The following PDE4D variants were observed in gnomAD, a reference collection of about 807,000 sequenced individuals.
PDE4D encodes the protein phosphodiesterase 4D.
Under a neutral mutation model 87.4 loss-of-function variants are expected in PDE4D, and 24 were observed. The observed-to-expected ratio is 0.27, with a 90% CI of 0.20 to 0.39. The LOEUF is 0.39. Ranked by LOEUF, PDE4D falls within the 10% of genes least tolerant of loss-of-function variation. The probability of loss-of-function intolerance (pLI) is 1.00; values close to 1 mark genes in which losing one functional copy is unlikely to be tolerated. For missense variants in PDE4D, 714 were observed against 1,041.0 expected (o/e 0.69, Z 4.32); for synonymous variants, 384 against 383.2 (o/e 1.00, Z -0.02).
At chr5:60,037,128 G>A (rs1767898983) in intron 2 of PDE4D, among the ~76,000 whole-genome samples, 1 of 152,174 alleles carries the variant, frequency 6.6e-6, no homozygotes, top group African/African-American at 2.4e-5. Flanking sequence ...AACAAAACTA[G>A]ATGAGAATGT....
At chr5:59,802,827 G>T (rs1374369164) in intron 1 of PDE4D, among the ~76,000 whole-genome samples, 1 of 152,166 alleles carries the variant, frequency 6.6e-6, no homozygotes, top group East Asian at 1.9e-4. Flanking sequence ...TACAGTGCAT[G>T]AATTCAATAG....
chr5:59,646,566 T>C (rs1742477442), intron 1 of PDE4D, among the ~76,000 whole-genome samples: 1 of 152,220 alleles, frequency 6.6e-6, no homozygotes, highest in Admixed American at 6.5e-5. Context: ...GTTGGTAGTA[T>C]ATGCATAGTT....
intron 9 of PDE4D, among the ~76,000 whole-genome samples, chr5:58,990,278 T>C (rs1412339254): frequency 1.3e-5 from 2 of 152,148 alleles, no homozygotes; most frequent in Admixed American, 1.3e-4. Flanking sequence ...CAACGTCCTC[T>C]CTAGGGCTGA....
chr5:59,762,840 G>A (rs1219621133), intron 1 of PDE4D, among the ~76,000 whole-genome samples: 1 of 115,836 alleles, frequency 8.6e-6, no homozygotes, highest in African/African-American at 3.3e-5. Context: ...CTAAAAAAGA[G>A]CAAACTGCTT....
At chr5:59,419,837 T>C (rs944150061) in intron 1 of PDE4D, among the ~76,000 whole-genome samples, 4 of 152,220 alleles carry the variant, frequency 2.6e-5, no homozygotes, top group Non-Finnish European at 5.9e-5. Flanking sequence ...TTAGATTATG[T>C]GGCAAGAATC....
intron 1 of PDE4D, among the ~76,000 whole-genome samples, chr5:59,797,546 A>C (rs1405611084): frequency 2.0e-5 from 3 of 152,198 alleles, no homozygotes; most frequent in Non-Finnish European, 4.4e-5. Flanking sequence ...TCCGTTCTTG[A>C]GGATCACTCT....
intron 1 of PDE4D, among the ~76,000 whole-genome samples, chr5:59,368,163 G>A (rs757693846): frequency 6.6e-6 from 1 of 152,170 alleles, no homozygotes; most frequent in Non-Finnish European, 1.5e-5. Flanking sequence ...TATTAAATGT[G>A]CACATAAATA....
intron 1 of PDE4D, among the ~76,000 whole-genome samples, chr5:60,429,717 T>C (rs1467635232): frequency 2.0e-5 from 3 of 152,252 alleles, no homozygotes; most frequent in Non-Finnish European, 2.9e-5. Context: ...TCTATTGAGA[T>C]GATCATGTGT....
intron 6 of PDE4D, among the ~76,000 whole-genome samples, chr5:59,006,183 G>A (rs1029036561): frequency 6.6e-6 from 1 of 152,248 alleles, no homozygotes; most frequent in Admixed American, 6.5e-5. Context: ...TACAGCTAGA[G>A]CTCAGGTTTC....
chr5:60,102,742 G>T (rs1430751401), intron 2 of PDE4D, among the ~76,000 whole-genome samples: 1 of 152,060 alleles, frequency 6.6e-6, no homozygotes, highest in Non-Finnish European at 1.5e-5. Flanking sequence ...TAAGAAAAGG[G>T]ATGTTTGCAA....
chr5:59,725,295 T>A (rs952789011), intron 1 of PDE4D, among the ~76,000 whole-genome samples: 3 of 152,160 alleles, frequency 2.0e-5, no homozygotes, highest in Non-Finnish European at 2.9e-5. Context: ...CTTGTTTCCC[T>A]GAGTTTTGCT....
chr5:60,482,330 A>G (rs1748794368), intron 1 of PDE4D, among the ~76,000 whole-genome samples: 1 of 152,160 alleles, frequency 6.6e-6, no homozygotes, highest in Non-Finnish European at 1.5e-5. Flanking sequence ...AAAAAAATAA[A>G]TTTCTGTTGT....
intron 1 of PDE4D, among the ~76,000 whole-genome samples, chr5:59,511,024 C>T (rs1222984388): frequency 6.6e-6 from 1 of 151,868 alleles, no homozygotes; most frequent in African/African-American, 2.4e-5. Flanking sequence ...AGTTATCAAG[C>T]AGGTCTTACT....
At chr5:59,039,065 T>G in intron 5 of PDE4D, 94 bp from the exon 6 acceptor site, 1 of 1,500,552 alleles carries the variant, frequency 6.7e-7, no homozygotes, top group Non-Finnish European at 8.9e-7. Flanking sequence ...TACCCCGCCA[T>G]GCTCGGATGC....
chr5:59,727,734 T>G (rs1314691672), intron 1 of PDE4D, among the ~76,000 whole-genome samples: 1 of 152,072 alleles, frequency 6.6e-6, no homozygotes, highest in Non-Finnish European at 1.5e-5. Flanking sequence ...GTTCTTTTAC[T>G]CAGCAGTAAC....
intron 1 of PDE4D, among the ~76,000 whole-genome samples, chr5:59,673,635 G>T (rs1277516867): frequency 2.0e-5 from 3 of 152,090 alleles, no homozygotes; most frequent in Non-Finnish European, 4.4e-5. Flanking sequence ...GAAGCATGGC[G>T]CCATCTAGTG....
At chr5:60,326,080 G>A (rs1316680326) in intron 1 of PDE4D, among the ~76,000 whole-genome samples, 1 of 152,122 alleles carries the variant, frequency 6.6e-6, no homozygotes, top group Admixed American at 6.6e-5. Flanking sequence ...AAGGACATCT[G>A]TGTTGCTTCC....
At chr5:59,089,812 A>C (rs1338235226) in intron 5 of PDE4D, among the ~76,000 whole-genome samples, 1 of 152,184 alleles carries the variant, frequency 6.6e-6, no homozygotes, top group Non-Finnish European at 1.5e-5. Context: ...ACCTTTATAT[A>C]GTCTTTCATA....
intron 1 of PDE4D, among the ~76,000 whole-genome samples, chr5:59,476,476 C>T (rs1233433704): frequency 1.3e-5 from 2 of 152,090 alleles, no homozygotes; most frequent in African/African-American, 4.8e-5. Flanking sequence ...GGAAATACAT[C>T]ATTTGTAAAA....
Sources: gnomAD v4.1 joint callset for allele counts (sites outside exome capture counted in the v4.1 genomes callset) on GRCh38, gnomAD v4.1.1 for gene constraint, MANE v1.5 for transcripts, NCBI Gene and HGNC (gene_info 2026-07-23, HGNC 2026-07-21) for gene names.